TBC1D12: variants seen among roughly 807,000 people sequenced by gnomAD.
TBC1D12 encodes the protein TBC1 domain family member 12.
In TBC1D12, 56 loss-of-function variants were observed where a neutral mutation model predicts 86.7. The observed-to-expected ratio is 0.65, with a 90% CI of 0.52 to 0.81. The LOEUF (loss-of-function observed/expected upper bound fraction) is 0.81, where lower values mean the gene tolerates loss of function less well. Among genes scored for constraint, TBC1D12 ranks in the 30% least tolerant of loss-of-function variants. TBC1D12 has a pLI of 0.00. For synonymous variants in TBC1D12, 421 were observed against 411.7 expected, an observed-to-expected ratio of 1.02 and a Z score of -0.27; for missense variants, 1,023 against 1,038.8, an observed-to-expected ratio of 0.98 and a Z score of 0.21.
intron 9 of TBC1D12, among the ~76,000 whole-genome samples, chr10:94,518,527 G>T (rs557956562): frequency 6.6e-6 from 1 of 152,200 alleles, no homozygotes; most frequent in African/African-American, 2.4e-5. Flanking sequence ...AGCTGTTTGC[G>T]GAACGACCCT....
intron 3 of TBC1D12, among the ~76,000 whole-genome samples, chr10:94,491,184 G>C (rs1241948533): frequency 2.6e-5 from 4 of 152,142 alleles, no homozygotes; most frequent in Non-Finnish European, 4.4e-5. Context: ...ATTTTCTAAT[G>C]ATTTAAGGGG....
intron 3 of TBC1D12, among the ~76,000 whole-genome samples, chr10:94,486,923 A>G (rs996946502): frequency 6.6e-6 from 1 of 152,184 alleles, no homozygotes; most frequent in Non-Finnish European, 1.5e-5. Context: ...AGTCTCTATT[A>G]TCGTATTGAG....
chr10:94,476,577 T>TA (rs2055991097), intron 3 of TBC1D12, among the ~76,000 whole-genome samples: 1 of 152,172 alleles, frequency 6.6e-6, no homozygotes, highest in Non-Finnish European at 1.5e-5. Flanking sequence ...TTAAAGATCT[T>TA]TAGACTTTGC....
chr10:94,461,577 C>T (rs535571196), intron 2 of TBC1D12, among the ~76,000 whole-genome samples: 2 of 152,360 alleles, frequency 1.3e-5, no homozygotes, highest in South Asian at 4.1e-4. Flanking sequence ...GTGTATGCAA[C>T]TGGGTCCTCC....
At position 94,412,532 on chromosome 10, in the gene TBC1D12, A is replaced by G. The variant is rs148699896; in HGVS notation, c.971+8948A>G. Among the ~76,000 whole-genome samples, 480 of 152,390 alleles carry G rather than the reference A, an allele frequency of 3.1e-3. 2 individuals carry two copies. Among genetic ancestry groups the G allele is most frequent in the African/African-American group, 0.011 (464 of 41,594 alleles). The stretch of plus-strand genomic sequence containing the variant: ...CAAATCTGAGAAGGAACCGAAAGGA[A>G]TGCTGAGAAAGATTAAAATATTTGT... On this transcript the variant is annotated intron_variant, in intron 1 of 12. Coordinates refer to ENST00000225235, the MANE Select transcript of TBC1D12 (RefSeq NM_015188.2).
At chr10:94,440,229 G>T (rs972580652) in intron 1 of TBC1D12, among the ~76,000 whole-genome samples, 5 of 151,868 alleles carry the variant, frequency 3.3e-5, no homozygotes, top group African/African-American at 1.2e-4. Context: ...CAGTATAGTG[G>T]CAGTATCATA....
chr10:94,485,544 CTTTT>C (rs772788846), intron 3 of TBC1D12, among the ~76,000 whole-genome samples: 2 of 122,768 alleles, frequency 1.6e-5, no homozygotes, highest in Non-Finnish European at 1.7e-5. Context: ...TGTAGTTTTC[CTTTT>C]TTTTTTTTTT....
At chr10:94,513,142 G>T (rs781473861) in intron 9 of TBC1D12, among the ~76,000 whole-genome samples, 9 of 151,996 alleles carry the variant, frequency 5.9e-5, no homozygotes, top group Non-Finnish European at 1.2e-4. Context: ...AGCTACTCAG[G>T]AGGCTGAGGC....
intron 11 of TBC1D12, 96 bp from the exon 12 acceptor site, chr10:94,531,106 C>T (rs1842407852): frequency 9.4e-6 from 13 of 1,387,080 alleles, no homozygotes; most frequent in African/African-American, 1.4e-5. Context: ...CTTCTTATCC[C>T]TAATTAAACA....
intron 2 of TBC1D12, among the ~76,000 whole-genome samples, chr10:94,459,324 A>G (rs1218217144): frequency 2.6e-5 from 4 of 152,160 alleles, no homozygotes; most frequent in Non-Finnish European, 5.9e-5. Flanking sequence ...TGGTGCATTT[A>G]CAAACCCTGA....
chr10:94,407,300 T>C (rs2054867578), intron 1 of TBC1D12, among the ~76,000 whole-genome samples: 1 of 152,218 alleles, frequency 6.6e-6, no homozygotes, highest in South Asian at 2.1e-4. Flanking sequence ...CAGCTTCACA[T>C]GGACACCTTT....
At chr10:94,531,724 GT>G (rs1842426440) in intron 12 of TBC1D12, among the ~76,000 whole-genome samples, 1 of 123,634 alleles carries the variant, frequency 8.1e-6, no homozygotes, top group Non-Finnish European at 1.8e-5. Context: ...GTTATTTTAT[GT>G]TATTTTATGT....
chr10:94,452,082 T>A (rs984577547), intron 2 of TBC1D12, among the ~76,000 whole-genome samples: 14 of 150,122 alleles, frequency 9.3e-5, no homozygotes, highest in Admixed American at 4.0e-4. Flanking sequence ...GCATATATAT[T>A]TAAATATATG....
chr10:94,422,021 C>A (rs1589605151), intron 1 of TBC1D12, among the ~76,000 whole-genome samples: 1 of 151,996 alleles, frequency 6.6e-6, no homozygotes, highest in East Asian at 1.9e-4. Flanking sequence ...AAGTAGACAA[C>A]GTTTTAAATT....
At chr10:94,514,886 C>G (rs1049505281) in intron 9 of TBC1D12, among the ~76,000 whole-genome samples, 2 of 150,092 alleles carry the variant, frequency 1.3e-5, no homozygotes, top group Non-Finnish European at 3.0e-5. Flanking sequence ...TTCCTATAAA[C>G]AGTGTGCAAG....
intron 2 of TBC1D12, among the ~76,000 whole-genome samples, chr10:94,456,761 G>C (rs2055632658): frequency 6.6e-6 from 1 of 152,124 alleles, no homozygotes; most frequent in East Asian, 1.9e-4. Flanking sequence ...TCTGATAGAG[G>C]CATTAAAGTT....
At chr10:94,485,763 CTG>C (rs1378929476) in intron 3 of TBC1D12, among the ~76,000 whole-genome samples, 1 of 151,918 alleles carries the variant, frequency 6.6e-6, no homozygotes, top group African/African-American at 2.4e-5. Context: ...AATTACAACT[CTG>C]TAATTAAATG....
chr10:94,517,351 G>A lies in TBC1D12; in HGVS notation c.1762-4604G>A, dbSNP rs188953681. On this transcript the variant is annotated intron_variant, in intron 9 of 12. Transcript: ENST00000225235. ...TGAGGTTGTGCCACTGCACTCCAGCGTGGGTGACAGAGCGAGACTCTGTCT... is the reference window on the plus strand; with the variant it reads ...TGAGGTTGTGCCACTGCACTCCAGCATGGGTGACAGAGCGAGACTCTGTCT... Among the ~76,000 whole-genome samples, 9 of 152,274 alleles carry A rather than the reference G, an allele frequency of 5.9e-5. No homozygotes were observed. The East Asian group carries it at 1.4e-3, about 23-fold the overall frequency.
rs376090811 is a variant in TBC1D12, at chr10:94,474,722, C to T, written c.1150C>T (p.Arg384Cys). ...TAAACCACCACCTCAGTCTTCAAGA[C>T]GCAAGAATTTTGAATTTGAGCCGCT... is the stretch of plus-strand genomic sequence containing the variant. Reference protein sequence around the residue: ...TCKPPPQSSRRKNFEFEPLST... With the variant: ...TCKPPPQSSRCKNFEFEPLST... Residue 384 changes from arginine (R) to cysteine (C), a missense_variant, in exon 3 of 13, where the codon CGC becomes TGC. Physicochemically the swap from Arg to Cys is radical, Grantham distance 180. Transcript: ENST00000225235. 27 of 1,613,952 alleles carry T rather than the reference C, an allele frequency of 1.7e-5. No individual in the cohort carries two copies. The highest frequency in any genetic ancestry group is 3.3e-4 in the Middle Eastern group (2 of 6,084).
Sources: gnomAD v4.1 joint callset for allele counts (sites outside exome capture counted in the v4.1 genomes callset) on GRCh38, gnomAD v4.1.1 for gene constraint, MANE v1.5 for transcripts, NCBI Gene and HGNC (gene_info 2026-07-23, HGNC 2026-07-21) for gene names.